The following CENPP variants were observed in gnomAD, a reference collection of about 807,000 sequenced individuals.
CENPP encodes centromere protein P.
In CENPP, 24 loss-of-function variants were observed where a neutral mutation model predicts 35.6. That is an observed-to-expected ratio of 0.67 (90% CI 0.49 to 0.95). CENPP has a LOEUF of 0.95. CENPP is among the 40% of genes least tolerant of loss of function. The probability of loss-of-function intolerance (pLI) is 0.00; values close to 1 mark genes in which losing one functional copy is unlikely to be tolerated. For synonymous variants in CENPP, 120 were observed against 125.5 expected (o/e 0.96, Z 0.29); for missense variants, 332 against 345.3 (o/e 0.96, Z 0.31).
At chr9:92,506,751 A>G (rs1847030805) in intron 5 of CENPP, among the ~76,000 whole-genome samples, 1 of 152,186 alleles carries the variant, frequency 6.6e-6, no homozygotes, top group Non-Finnish European at 1.5e-5. Context: ...AGGAACTTCC[A>G]AGCTGAAATA....
chr9:92,537,379 A>G (rs529064603), intron 5 of CENPP, among the ~76,000 whole-genome samples: 4 of 152,212 alleles, frequency 2.6e-5, no homozygotes, highest in Non-Finnish European at 2.9e-5. Flanking sequence ...ATGTAAAACT[A>G]GCTGAGTGCA....
chr9:92,606,515 C>A (rs570082371), intron 5 of CENPP, among the ~76,000 whole-genome samples: 79 of 152,240 alleles, frequency 5.2e-4, no homozygotes, highest in African/African-American at 1.8e-3. Context: ...ACCCAGAAAT[C>A]CCGCTCCTAG....
intron 5 of CENPP, among the ~76,000 whole-genome samples, chr9:92,396,568 AT>A (rs34456971): frequency 0.88 from 126,225 of 144,202 alleles, 55,228 homozygotes; most frequent in East Asian, 0.94. Context: ...ACATACCTTT[AT>A]TTTTTTTTTT....
intron 5 of CENPP, among the ~76,000 whole-genome samples, chr9:92,487,434 G>T (rs1486353153): frequency 6.6e-6 from 1 of 152,182 alleles, no homozygotes; most frequent in African/African-American, 2.4e-5. Context: ...ATAAAAACTG[G>T]ATTATAACAC....
chr9:92,454,886 A>G (rs566694708), intron 5 of CENPP, among the ~76,000 whole-genome samples: 1 of 152,256 alleles, frequency 6.6e-6, no homozygotes, highest in East Asian at 1.9e-4. Context: ...AAATCATACT[A>G]TCATCATCCC....
chr9:92,520,392 G>A (rs558443785), intron 5 of CENPP, among the ~76,000 whole-genome samples: 244 of 152,200 alleles, frequency 1.6e-3, no homozygotes, highest in Non-Finnish European at 2.8e-3. Flanking sequence ...TAGTTGTTAG[G>A]GAAATGCAAA....
chr9:92,592,967 T>C (rs529968331), intron 5 of CENPP, among the ~76,000 whole-genome samples: 2 of 152,328 alleles, frequency 1.3e-5, no homozygotes, highest in South Asian at 2.1e-4. Flanking sequence ...CCAACCTAAG[T>C]TGGCTTAAAC....
At chr9:92,516,861 G>A (rs1847757944) in intron 5 of CENPP, 1 of 152,190 alleles carries the variant, frequency 6.6e-6, no homozygotes, top group Admixed American at 6.5e-5. Flanking sequence ...CTGGCAAGGA[G>A]ACTTTTGTAG....
intron 5 of CENPP, among the ~76,000 whole-genome samples, chr9:92,542,942 G>C (rs904174566): frequency 6.6e-6 from 1 of 152,156 alleles, no homozygotes; most frequent in African/African-American, 2.4e-5. Flanking sequence ...TGGATATCCA[G>C]TTTTCTCAGC....
chr9:92,326,986 G>A (rs916163844), intron 1 of CENPP, among the ~76,000 whole-genome samples: 5 of 152,200 alleles, frequency 3.3e-5, no homozygotes, highest in Non-Finnish European at 5.9e-5. Context: ...AGCTGTGACT[G>A]GTTAAAGGGA....
intron 5 of CENPP, among the ~76,000 whole-genome samples, chr9:92,392,412 A>AG (rs375953278): frequency 4.0e-4 from 61 of 152,280 alleles, no homozygotes; most frequent in African/African-American, 1.4e-3. Context: ...TCACAAGGTC[A>AG]GGAGTTCCAG....
chr9:92,441,690 TG>T (rs1844393251), intron 5 of CENPP, among the ~76,000 whole-genome samples: 2 of 151,934 alleles, frequency 1.3e-5, no homozygotes, highest in Non-Finnish European at 2.9e-5. Context: ...ACCGTGGAGG[TG>T]GAGGTTGCAG....
intron 5 of CENPP, among the ~76,000 whole-genome samples, chr9:92,552,149 A>C (rs1369292602): frequency 7.0e-6 from 1 of 143,262 alleles, no homozygotes; most frequent in Non-Finnish European, 1.5e-5. Flanking sequence ...ATGTGATATG[A>C]TAGATCTATC....
rs1470743388 is a variant in CENPP at position 92,326,112 on chromosome 9, G to A, written c.107+7G>A. On this transcript the variant is annotated splice_region_variant and intron_variant, in intron 1 of 7. Coordinates refer to ENST00000375587, the MANE Select transcript of CENPP (RefSeq NM_001012267.3). ...AAGAGAAGTCCCGAGTCCAGTACGT[G>A]ACCACCCCAAGTCCCCCAGGGCCCG... is the stretch of plus-strand genomic sequence containing the variant. The A allele has an allele frequency of 4.6e-6, 7 of 1,524,404 alleles. No homozygotes were observed. Among genetic ancestry groups the A allele is most frequent in the Non-Finnish European group, 6.2e-6 (7 of 1,128,288 alleles). 94.4% of individuals were successfully genotyped at this position (1,524,404 alleles called of 1,614,324 possible).
chr9:92,604,328 G>A (rs1851012025), intron 5 of CENPP, among the ~76,000 whole-genome samples: 1 of 152,162 alleles, frequency 6.6e-6, no homozygotes, highest in African/African-American at 2.4e-5. Flanking sequence ...AATAAGAGAT[G>A]TGCAAAAGAT....
chr9:92,414,734 C>A (rs1364988326), intron 5 of CENPP: 1 of 216,356 alleles, frequency 4.6e-6, no homozygotes. Flanking sequence ...CATTAATATA[C>A]CTTCCTGTCA....
intron 5 of CENPP, among the ~76,000 whole-genome samples, chr9:92,546,369 C>T (rs1849448544): frequency 6.6e-6 from 1 of 152,160 alleles, no homozygotes; most frequent in Admixed American, 6.5e-5. Context: ...TTCTTTTGCT[C>T]TTTGCAATAA....
intron 5 of CENPP, among the ~76,000 whole-genome samples, chr9:92,442,809 A>G (rs543148341): frequency 6.6e-6 from 1 of 152,084 alleles, no homozygotes; most frequent in African/African-American, 2.4e-5. Context: ...AGATCACGCC[A>G]CTGCATTCCA....
intron 4 of CENPP, among the ~76,000 whole-genome samples, chr9:92,376,793 C>A (rs1842134597): frequency 6.6e-6 from 1 of 152,142 alleles, no homozygotes; most frequent in Non-Finnish European, 1.5e-5. Context: ...GTAATCCCAG[C>A]ACTTTGGGAG....
Sources: gnomAD v4.1 joint callset for allele counts (sites outside exome capture counted in the v4.1 genomes callset) on GRCh38, gnomAD v4.1.1 for gene constraint, MANE v1.5 for transcripts, NCBI Gene and HGNC (gene_info 2026-07-23, HGNC 2026-07-21) for gene names.